EDNRA: variants seen among roughly 807,000 people sequenced by gnomAD.
EDNRA encodes the protein endothelin-1 receptor.
In EDNRA, 11 loss-of-function variants were observed where a neutral mutation model predicts 41.4. The ratio of observed to expected loss-of-function variants is 0.27; its 90% CI spans 0.17 to 0.44. The LOEUF (loss-of-function observed/expected upper bound fraction) is 0.44. Among genes scored for constraint, EDNRA ranks in the 20% least tolerant of loss-of-function variants. The probability of loss-of-function intolerance (pLI) is 1.00; values close to 1 mark genes in which losing one functional copy is unlikely to be tolerated. For synonymous variants in EDNRA, 172 were observed against 183.0 expected (o/e 0.94, Z 0.49); for missense variants, 294 against 531.0 (o/e 0.55, Z 4.39).
chr4:147,538,847 A>T (rs911236762), intron 5 of EDNRA, among the ~76,000 whole-genome samples: 1 of 152,140 alleles, frequency 6.6e-6, no homozygotes, highest in Non-Finnish European at 1.5e-5. Flanking sequence ...TATATGTTTC[A>T]GGTTGAGCCA....
intron 2 of EDNRA, among the ~76,000 whole-genome samples, chr4:147,499,208 A>C (rs1221880758): frequency 6.6e-6 from 1 of 152,082 alleles, no homozygotes; most frequent in African/African-American, 2.4e-5. Context: ...GGCACATGCC[A>C]CCATGCCCAT....
rs786205230 is a variant in EDNRA, at chr4:147,486,067, A to G, written c.386A>G (p.Tyr129Cys). The G allele has an allele frequency of 1.9e-6, 3 of 1,614,004 alleles. No homozygotes were observed. The highest frequency in any genetic ancestry group is 1.7e-5 in the Admixed American group (1 of 60,022). The change falls in exon 2 of 8, where the codon TAT becomes TGT. Residue 129 changes from tyrosine to cysteine, a missense_variant. Tyr to Cys is a radical substitution (Grantham distance 194, BLOSUM62 -2). Coordinates refer to ENST00000651419, the MANE Select transcript of EDNRA (RefSeq NM_001957.4). This position sits in a 1 kb window ranked among gnomAD's most constrained non-coding sequence, Gnocchi z 4.3. ...IASLALGDLIYVVIDLPINVF... is the reference protein window; with the variant it reads ...IASLALGDLICVVIDLPINVF... ...AGTCTTGCCCTTGGAGACCTTATCT[A>G]TGTGGTCATTGATCTCCCTATCAAT... is the stretch of plus-strand genomic sequence containing the variant.
intron 2 of EDNRA, among the ~76,000 whole-genome samples, chr4:147,498,271 G>T (rs911013320): frequency 6.6e-6 from 1 of 152,138 alleles, no homozygotes; most frequent in Non-Finnish European, 1.5e-5. Flanking sequence ...TTTTTGTTCT[G>T]GGGAAATAGC....
intron 2 of EDNRA, among the ~76,000 whole-genome samples, chr4:147,504,205 G>A (rs997726563): frequency 1.3e-5 from 2 of 152,076 alleles, no homozygotes; most frequent in Non-Finnish European, 2.9e-5. Flanking sequence ...TCTTTGATAC[G>A]ACATCAAAAC....
chr4:147,528,896 G>C (rs1319468453), intron 3 of EDNRA, among the ~76,000 whole-genome samples: 1 of 152,080 alleles, frequency 6.6e-6, no homozygotes, highest in Non-Finnish European at 1.5e-5. Flanking sequence ...GAAGCCACTG[G>C]GGGGTTTGGA....
chr4:147,535,336 G>T (rs937673393), intron 4 of EDNRA, among the ~76,000 whole-genome samples: 1 of 152,114 alleles, frequency 6.6e-6, no homozygotes, highest in Non-Finnish European at 1.5e-5. Context: ...AAAGCGGCTG[G>T]CTTTAAGGTC....
At chr4:147,485,181 T>A (rs2126368165) in intron 1 of EDNRA, among the ~76,000 whole-genome samples, 1 of 152,356 alleles carries the variant, frequency 6.6e-6, no homozygotes, top group African/African-American at 2.4e-5. Context: ...AAGTAACTAC[T>A]ACTTAAAGGA....
At chr4:147,500,848 A>G (rs1158007272) in intron 2 of EDNRA, among the ~76,000 whole-genome samples, 2 of 152,164 alleles carry the variant, frequency 1.3e-5, no homozygotes, top group Non-Finnish European at 2.9e-5. Flanking sequence ...TGAGGAAGAA[A>G]GGGAGGGAGC....
intron 2 of EDNRA, among the ~76,000 whole-genome samples, chr4:147,503,491 T>C (rs1424792661): frequency 6.6e-6 from 1 of 152,144 alleles, no homozygotes; most frequent in Non-Finnish European, 1.5e-5. Flanking sequence ...TGCCTCTGTA[T>C]TGAACCATAC....
intron 3 of EDNRA, among the ~76,000 whole-genome samples, chr4:147,528,049 G>C (rs1205603336): frequency 6.6e-6 from 1 of 152,204 alleles, no homozygotes; most frequent in Non-Finnish European, 1.5e-5. Flanking sequence ...TGATCAGAAT[G>C]TAGTGTGCTA....
At chr4:147,496,258 T>C (rs1729295963) in intron 2 of EDNRA, among the ~76,000 whole-genome samples, 1 of 152,194 alleles carries the variant, frequency 6.6e-6, no homozygotes, top group African/African-American at 2.4e-5. Flanking sequence ...TAAATTTCAG[T>C]TTTCACCAAA....
Position 147,486,089 on chromosome 4 carries a change from C to T in EDNRA, c.408C>T (p.Ile136=), listed in dbSNP as rs756094163. Residue 136 remains isoleucine, a synonymous_variant, in exon 2 of 8, where the codon ATC becomes ATT. Transcript: ENST00000651419. The surrounding 1 kb of genome is among the most constrained non-coding windows in gnomAD (Gnocchi z 4.3). ...DLIYVVIDLP[I]NVFKLLAGRW... is the part of the protein sequence containing the mutation. ...TCTATGTGGTCATTGATCTCCCTAT[C>T]AATGTATTTAAGGTAGGAAGTAACC... The T allele has an allele frequency of 6.2e-7, 1 of 1,611,580 alleles. No homozygotes were observed. The highest frequency in any genetic ancestry group is 1.1e-5 in the South Asian group (1 of 90,672).
chr4:147,511,852 C>G (rs1462713912), intron 2 of EDNRA, among the ~76,000 whole-genome samples: 1 of 152,104 alleles, frequency 6.6e-6, no homozygotes, highest in Non-Finnish European at 1.5e-5. Context: ...GTCAAAGCAC[C>G]CCATTTCTAT....
intron 2 of EDNRA, among the ~76,000 whole-genome samples, chr4:147,500,904 T>C (rs981517344): frequency 2.0e-5 from 3 of 152,178 alleles, no homozygotes; most frequent in African/African-American, 4.8e-5. Context: ...GTTCCAACTA[T>C]GTGAAAGCAG....
chr4:147,489,771 A>G (rs953187514), intron 2 of EDNRA: 2 of 151,994 alleles, frequency 1.3e-5, no homozygotes, highest in African/African-American at 4.8e-5. Context: ...TCCCCATAAC[A>G]TATCCGGGAC....
chr4:147,524,031 T>C (rs1215113683), intron 3 of EDNRA, among the ~76,000 whole-genome samples: 2 of 152,144 alleles, frequency 1.3e-5, no homozygotes, highest in African/African-American at 4.8e-5. Flanking sequence ...GACTATCTTT[T>C]TGATCTCTGG....
In EDNRA at chr4:147,519,908, C is replaced by A. The variant is rs201316793; in HGVS notation, c.478C>A (p.Leu160Met). ...TGACTTTGGCGTATTTCTTTGCAAG[C>A]TGTTCCCCTTTTTGCAGAAGTCCTC... ...HNDFGVFLCKLFPFLQKSSVG... is the reference protein window; with the variant it reads ...HNDFGVFLCKMFPFLQKSSVG... The change falls in exon 3 of 8, where the codon CTG becomes ATG. Residue 160 changes from leucine to methionine, a missense_variant. By Grantham distance (15) the Leu-to-Met change is conservative. Coordinates refer to ENST00000651419, the MANE Select transcript of EDNRA (RefSeq NM_001957.4). The surrounding 1 kb of genome is among the most constrained non-coding windows in gnomAD (Gnocchi z 4.1). 2 of 1,613,644 alleles carry A rather than the reference C, an allele frequency of 1.2e-6. No homozygotes were observed. The highest frequency in any genetic ancestry group is 4.5e-5 in the East Asian group (2 of 44,848).
rs1280630602 is a variant in EDNRA, at chr4:147,519,263, G to A, written c.421-588G>A. Among the ~76,000 whole-genome samples, 1 of 152,178 alleles carries A rather than the reference G, an allele frequency of 6.6e-6. No individual in the cohort carries two copies. The highest frequency in any genetic ancestry group is 1.5e-5 in the Non-Finnish European group (1 of 68,026). On this transcript the variant is annotated intron_variant, in intron 2 of 7. Coordinates refer to ENST00000651419, the MANE Select transcript of EDNRA (RefSeq NM_001957.4). This position sits in a 1 kb window ranked among gnomAD's most constrained non-coding sequence, Gnocchi z 4.1. ...AGGTGTTAGCTAGCTGCCAAAATTA[G>A]TAGCTTCTACACCACTTTGTTTTTT...
At chr4:147,521,250 A>G (rs1730313931) in intron 3 of EDNRA, among the ~76,000 whole-genome samples, 1 of 152,240 alleles carries the variant, frequency 6.6e-6, no homozygotes, top group African/African-American at 2.4e-5. Context: ...TAAAAATAAA[A>G]CACAAAAAAT....
Sources: allele counts gnomAD v4.1 joint callset (sites outside exome capture counted in the v4.1 genomes callset), GRCh38; gene constraint gnomAD v4.1.1; non-coding constraint Gnocchi (gnomAD v3.1); transcripts MANE v1.5; gene names NCBI Gene and HGNC (gene_info 2026-07-23, HGNC 2026-07-21).